The following CCDC73 variants were observed in gnomAD, a reference collection of about 807,000 sequenced individuals.
CCDC73 encodes coiled-coil domain-containing protein 73.
CCDC73 carries 95 observed loss-of-function variants against 116.5 expected under a neutral mutation model. The ratio of observed to expected loss-of-function variants is 0.82; its 90% CI spans 0.69 to 0.97. The LOEUF (loss-of-function observed/expected upper bound fraction) is 0.97, where lower values mean the gene tolerates loss of function less well. CCDC73 is among the 50% of genes least tolerant of loss of function. The pLI is 0.00. For missense variants in CCDC73, 1,066 were observed against 1,206.8 expected (o/e 0.88, Z 1.73); for synonymous variants, 398 against 401.3 (o/e 0.99, Z 0.10).
intron 6 of CCDC73, among the ~76,000 whole-genome samples, chr11:32,694,772 C>T (rs1219975831): frequency 6.6e-6 from 1 of 151,424 alleles, no homozygotes; most frequent in Non-Finnish European, 1.5e-5. Context: ...CAAGATACAC[C>T]AAGAAAAAAA....
chr11:32,708,612 C>T (rs965025451), intron 3 of CCDC73, among the ~76,000 whole-genome samples: 14 of 152,078 alleles, frequency 9.2e-5, no homozygotes, highest in African/African-American at 3.4e-4. Flanking sequence ...TTGTAGAGGT[C>T]TTCCATCTCC....
intron 2 of CCDC73, among the ~76,000 whole-genome samples, chr11:32,741,640 G>A (rs1468510548): frequency 6.6e-6 from 1 of 150,664 alleles, no homozygotes; most frequent in Non-Finnish European, 1.5e-5. Context: ...ATTCAGCCAC[G>A]CTACATGTTC....
chr11:32,680,160 T>A (rs1856130566), intron 7 of CCDC73: 1 of 152,180 alleles, frequency 6.6e-6, no homozygotes, highest in Non-Finnish European at 1.5e-5. Context: ...TGCCACTAAT[T>A]TCATGACTAT....
chr11:32,665,703 G>A (rs554614758), intron 9 of CCDC73, among the ~76,000 whole-genome samples: 1 of 152,272 alleles, frequency 6.6e-6, no homozygotes, highest in South Asian at 2.1e-4. Flanking sequence ...CTGTCATTAT[G>A]ATGTTAGATG....
At chr11:32,620,453 C>CA (rs1031390920) in intron 14 of CCDC73, among the ~76,000 whole-genome samples, 10 of 150,852 alleles carry the variant, frequency 6.6e-5, no homozygotes, top group East Asian at 3.9e-4. Context: ...ACTAAAAATA[C>CA]AAAAAAAATT....
At chr11:32,607,321 T>A (rs1172049007) in intron 17 of CCDC73, among the ~76,000 whole-genome samples, 1 of 151,130 alleles carries the variant, frequency 6.6e-6, no homozygotes, top group South Asian at 2.1e-4. Context: ...CTCGATCTCC[T>A]GACCTCGTGA....
At chr11:32,828,237 A>G in the CCDC73 span, among the ~76,000 whole-genome samples, 1 of 152,180 alleles carries the variant, frequency 6.6e-6, no homozygotes, top group African/African-American at 2.4e-5. Context: ...GGCCGGGCAC[A>G]GTGGCTCATG....
intron 2 of CCDC73, among the ~76,000 whole-genome samples, chr11:32,738,460 T>A (rs917018093): frequency 6.6e-6 from 1 of 152,192 alleles, no homozygotes; most frequent in East Asian, 1.9e-4. Context: ...ATCAGTGATG[T>A]TGAACATCTT....
chr11:32,627,449 A>G (rs1855586657), intron 14 of CCDC73, among the ~76,000 whole-genome samples: 1 of 152,186 alleles, frequency 6.6e-6, no homozygotes, highest in Non-Finnish European at 1.5e-5. Flanking sequence ...ATACCATTTG[A>G]CCCAGCCATC....
At chr11:32,791,497 C>G (rs1850676274) in intron 1 of CCDC73, among the ~76,000 whole-genome samples, 1 of 152,198 alleles carries the variant, frequency 6.6e-6, no homozygotes, top group Admixed American at 6.5e-5. Context: ...TTACCTTGAT[C>G]TTGAAACACT....
intron 6 of CCDC73, among the ~76,000 whole-genome samples, chr11:32,688,195 G>A (rs558589833): frequency 2.6e-5 from 4 of 152,278 alleles, no homozygotes; most frequent in African/African-American, 7.2e-5. Flanking sequence ...CAAATTATCA[G>A]AGTGAACATC....
At chr11:32,681,567 C>T (rs1856144713) in intron 7 of CCDC73, 2 of 151,980 alleles carry the variant, frequency 1.3e-5, no homozygotes, top group Non-Finnish European at 2.9e-5. Flanking sequence ...TAGTTAAGGA[C>T]TTACCTATAG....
At chr11:32,708,452 T>C (rs1002857067) in intron 3 of CCDC73, among the ~76,000 whole-genome samples, 2 of 152,214 alleles carry the variant, frequency 1.3e-5, no homozygotes, top group African/African-American at 4.8e-5. Flanking sequence ...ATAATGCTGG[T>C]ATTTTTATGG....
intron 1 of CCDC73, among the ~76,000 whole-genome samples, chr11:32,764,876 G>C (rs1332473731): frequency 6.6e-6 from 1 of 152,120 alleles, no homozygotes; most frequent in Non-Finnish European, 1.5e-5. Flanking sequence ...CCCATCTCAT[G>C]TGCAGAGACA....
chr11:32,726,242 G>C lies in CCDC73; in HGVS notation c.136-8095C>G, dbSNP rs1416637097. On this transcript the variant is annotated intron_variant, in intron 2 of 17. Coordinates refer to ENST00000335185, the MANE Select transcript of CCDC73 (RefSeq NM_001008391.4). ...GAGAAAAAGAGAGACAATAGAAATG[G>C]ATCTACAAGAAGTCCAGATATTGGA... is the stretch of plus-strand genomic sequence containing the variant. Among the ~76,000 whole-genome samples the C allele has an allele frequency of 2.0e-5, 3 of 152,182 alleles. No individual in the cohort carries two copies. The East Asian group carries it at 5.8e-4, about 29-fold the overall frequency.
chr11:32,707,406 A>G (rs1184745361), intron 3 of CCDC73, among the ~76,000 whole-genome samples: 1 of 149,842 alleles, frequency 6.7e-6, no homozygotes, highest in African/African-American at 2.5e-5. Context: ...TTTAACCACT[A>G]TAGATACGTG....
chr11:32,820,214 G>A, the CCDC73 span, among the ~76,000 whole-genome samples: 9,309 of 152,024 alleles, frequency 0.061, 358 homozygotes, highest in Non-Finnish European at 0.089. Flanking sequence ...GTGTAGTGGC[G>A]TGTGCAATCA....
intron 3 of CCDC73, among the ~76,000 whole-genome samples, chr11:32,706,946 C>T (rs867946959): frequency 4.6e-5 from 7 of 152,126 alleles, no homozygotes; most frequent in Admixed American, 3.3e-4. Flanking sequence ...ATAATCAGAT[C>T]GTAGCTAATT....
intron 9 of CCDC73, among the ~76,000 whole-genome samples, chr11:32,670,721 C>G (rs1856030977): frequency 6.6e-6 from 1 of 152,038 alleles, no homozygotes; most frequent in Admixed American, 6.6e-5. Context: ...CGACAAATGT[C>G]TATGTTTTTC....
Sources: gnomAD v4.1 joint callset for allele counts (sites outside exome capture counted in the v4.1 genomes callset) on GRCh38, gnomAD v4.1.1 for gene constraint, MANE v1.5 for transcripts, NCBI Gene and HGNC (gene_info 2026-07-23, HGNC 2026-07-21) for gene names.